The following HERC4 variants were observed in gnomAD, a reference collection of about 807,000 sequenced individuals.
HERC4 encodes the protein probable E3 ubiquitin-protein ligase HERC4.
A neutral mutation model predicts 124.3 loss-of-function variants in HERC4; 28 were observed. The observed-to-expected ratio is 0.23, with a 90% CI of 0.17 to 0.31. The LOEUF is 0.31. Ranked by LOEUF, HERC4 falls within the 10% of genes least tolerant of loss-of-function variation. The probability of loss-of-function intolerance (pLI) is 1.00; values close to 1 mark genes in which losing one functional copy is unlikely to be tolerated. For synonymous variants in HERC4, 407 were observed against 421.5 expected, an observed-to-expected ratio of 0.97 and a Z score of 0.42; for missense variants, 713 against 1,229.3, an observed-to-expected ratio of 0.58 and a Z score of 6.28.
At chr10:68,000,058 A>G (rs1184393648) in intron 9 of HERC4, among the ~76,000 whole-genome samples, 2 of 152,006 alleles carry the variant, frequency 1.3e-5, no homozygotes, top group African/African-American at 2.4e-5. Flanking sequence ...GGGTCTTGCT[A>G]TGTTGCTCAG....
At chr10:67,932,930 C>A in intron 22 of HERC4, 150 bp from the exon 23 acceptor site, 1 of 611,030 alleles carries the variant, frequency 1.6e-6, no homozygotes, top group Non-Finnish European at 2.7e-6. Context: ...CAGGACAAAA[C>A]CAAAGTCACT....
intron 9 of HERC4, among the ~76,000 whole-genome samples, chr10:67,998,313 C>T (rs1441170457): frequency 6.6e-6 from 1 of 151,168 alleles, no homozygotes; most frequent in Non-Finnish European, 1.5e-5. Context: ...TTTGGGAGGC[C>T]GAGGCAGGCA....
intron 8 of HERC4, among the ~76,000 whole-genome samples, chr10:68,020,619 A>C (rs2038559166): frequency 6.6e-6 from 1 of 151,764 alleles, no homozygotes; most frequent in African/African-American, 2.4e-5. Flanking sequence ...AATACAAAAA[A>C]TTAGCCGGGC....
At chr10:68,037,897 A>AGTGT (rs199617697) in intron 5 of HERC4, among the ~76,000 whole-genome samples, 196 bp downstream of exon 5, 1 of 151,720 alleles carries the variant, frequency 6.6e-6, no homozygotes, top group African/African-American at 2.4e-5. Flanking sequence ...AATTCCTAGC[A>AGTGT]GTGTGTGTGT....
rs1269285077 is a variant in HERC4 at position 67,922,209 on chromosome 10, T to C, written c.*722A>G. On this transcript the variant is annotated 3_prime_UTR_variant, in exon 25 of 25. Coordinates refer to ENST00000373700, the MANE Select transcript of HERC4 (RefSeq NM_015601.4). Reference sequence around the variant, plus strand: ...ACTGGCAACTGTGGAGACAGAGTTCTTCCAGTACTAAATATTAATAAGTTC... The same window carrying C: ...ACTGGCAACTGTGGAGACAGAGTTCCTCCAGTACTAAATATTAATAAGTTC... The C allele has an allele frequency of 6.6e-6, 1 of 152,186 alleles. No individual in the cohort carries two copies. Among genetic ancestry groups the C allele is most frequent in the African/African-American group, 2.4e-5 (1 of 41,446 alleles). 9.4% of individuals were successfully genotyped at this position (152,186 alleles called of 1,614,324 possible).
chr10:68,011,387 T>C (rs1293981093), intron 9 of HERC4, among the ~76,000 whole-genome samples: 1 of 152,236 alleles, frequency 6.6e-6, no homozygotes, highest in Non-Finnish European at 1.5e-5. Context: ...GAGGAATCAC[T>C]ATATGTGGTA....
chr10:67,994,986 T>C (rs1316050322), intron 9 of HERC4: 7 of 257,204 alleles, frequency 2.7e-5, no homozygotes, highest in Non-Finnish European at 4.6e-5. Flanking sequence ...CACTGCATCC[T>C]ATCCTTAATT....
chr10:68,063,071 T>C (rs1008741524), intron 3 of HERC4, among the ~76,000 whole-genome samples: 22 of 152,158 alleles, frequency 1.4e-4, no homozygotes, highest in African/African-American at 4.1e-4. Context: ...ACAGCACTCT[T>C]GTTTATACAT....
intron 9 of HERC4, among the ~76,000 whole-genome samples, chr10:67,998,262 T>C (rs2037011453): frequency 6.6e-6 from 1 of 151,158 alleles, no homozygotes. Context: ...TTAAAAATCA[T>C]ACAGGCCAGG....
chr10:68,005,349 T>C (rs913112726), intron 9 of HERC4, among the ~76,000 whole-genome samples: 7 of 152,254 alleles, frequency 4.6e-5, no homozygotes, highest in African/African-American at 1.7e-4. Flanking sequence ...GATATAAGTA[T>C]AGCTACTCCT....
At chr10:67,931,096 C>G (rs747553863) in intron 23 of HERC4, among the ~76,000 whole-genome samples, 1 of 152,084 alleles carries the variant, frequency 6.6e-6, no homozygotes, top group Non-Finnish European at 1.5e-5. Flanking sequence ...AGCGATTCTC[C>G]TGCCTCAGCC....
At chr10:68,013,981 A>G (rs2038118964) in intron 9 of HERC4, 45 bp downstream of exon 9, 1 of 1,443,486 alleles carries the variant, frequency 6.9e-7, no homozygotes, top group Admixed American at 2.4e-5. Flanking sequence ...CATTTTAACA[A>G]GAACTTCAAT....
intron 19 of HERC4, among the ~76,000 whole-genome samples, chr10:67,951,054 C>T (rs775381203): frequency 4.6e-5 from 7 of 152,120 alleles, no homozygotes; most frequent in East Asian, 1.9e-4. Flanking sequence ...AGAGTAGAGC[C>T]GGCTCCAAGG....
intron 8 of HERC4, among the ~76,000 whole-genome samples, chr10:68,020,488 C>T (rs748306314): frequency 3.3e-5 from 5 of 151,904 alleles, no homozygotes; most frequent in African/African-American, 9.7e-5. Context: ...AAGTTTGGGC[C>T]GGGCGCGGTG....
At chr10:67,942,176 G>C (rs7086730) in intron 19 of HERC4, among the ~76,000 whole-genome samples, 150,980 of 152,338 alleles carry the variant, frequency 0.99, 74,841 homozygotes, top group East Asian at 1. Flanking sequence ...TAAATAAGAC[G>C]TGGGCTCCAG....
intron 15 of HERC4, among the ~76,000 whole-genome samples, chr10:67,977,331 G>A (rs1458862520): frequency 1.3e-5 from 2 of 152,094 alleles, no homozygotes; most frequent in Non-Finnish European, 2.9e-5. Context: ...CCACTGCCTC[G>A]AAAAGAAAGA....
At chr10:68,068,364 G>A (rs189788324) in intron 3 of HERC4, 1 of 152,450 alleles carries the variant, frequency 6.6e-6, no homozygotes, top group East Asian at 1.9e-4. Flanking sequence ...GCACACACCT[G>A]TAGTCCCAGC....
chr10:67,953,242 A>C (rs1246491609), intron 19 of HERC4, among the ~76,000 whole-genome samples: 1 of 152,236 alleles, frequency 6.6e-6, no homozygotes, highest in East Asian at 1.9e-4. Context: ...ATCCCTAAAA[A>C]TAAGTTAGCT....
At chr10:67,957,544 A>G (rs758247257) in intron 16 of HERC4, among the ~76,000 whole-genome samples, 1 of 152,188 alleles carries the variant, frequency 6.6e-6, no homozygotes, top group Non-Finnish European at 1.5e-5. Context: ...GACATTAGAC[A>G]CTTTATAGAC....
Sources: allele counts gnomAD v4.1 joint callset (sites outside exome capture counted in the v4.1 genomes callset), GRCh38; gene constraint gnomAD v4.1.1; transcripts MANE v1.5; gene names NCBI Gene and HGNC (gene_info 2026-07-23, HGNC 2026-07-21).